MAGI2: variants seen among roughly 807,000 people sequenced by gnomAD.
MAGI2 encodes the protein membrane associated guanylate kinase, WW and PDZ domain containing 2, also known as membrane-associated guanylate kinase, WW and PDZ domain-containing protein 2.
MAGI2 carries 35 observed loss-of-function variants against 133.3 expected under a neutral mutation model. The observed-to-expected ratio is 0.26, with a 90% CI of 0.20 to 0.35. The LOEUF is 0.35. MAGI2 is among the 10% of genes least tolerant of loss of function. MAGI2 has a pLI of 1.00. For synonymous variants in MAGI2, 729 were observed against 710.6 expected (o/e 1.03, Z -0.41); for missense variants, 1,636 against 1,863.4 (o/e 0.88, Z 2.25).
intron 2 of MAGI2, among the ~76,000 whole-genome samples, chr7:78,764,549 TC>T (rs1038465750): frequency 8.5e-5 from 13 of 152,260 alleles, no homozygotes; most frequent in South Asian, 2.1e-4. Flanking sequence ...AATGATTTTT[TC>T]CCCCCATCCC....
rs191203270 is a variant in MAGI2, at chr7:78,513,018, C to T, written c.754+8412G>A. 8.5e-4 allele frequency among the ~76,000 whole-genome samples: 129 copies of T among 152,150 alleles called. 1 individual carries two copies. The Middle Eastern group carries it at 0.024, about 28-fold the overall frequency. On this transcript the variant is annotated intron_variant, in intron 4 of 21. Coordinates refer to ENST00000354212, the MANE Select transcript of MAGI2 (RefSeq NM_012301.4). ...ACAAGTCCCCCAAATTCTTAACAAACTTTGGGGTGAAAGAAACTGATACAA... is the reference window on the plus strand; with the variant it reads ...ACAAGTCCCCCAAATTCTTAACAAATTTTGGGGTGAAAGAAACTGATACAA...
chr7:78,324,034 T>C (rs183627945), intron 9 of MAGI2, among the ~76,000 whole-genome samples: 1 of 152,150 alleles, frequency 6.6e-6, no homozygotes, highest in East Asian at 1.9e-4. Context: ...CAGACAAGGG[T>C]ATATTAGTAA....
At chr7:78,718,739 G>T (rs997494009) in intron 2 of MAGI2, among the ~76,000 whole-genome samples, 3 of 151,910 alleles carry the variant, frequency 2.0e-5, no homozygotes, top group Non-Finnish European at 4.4e-5. Flanking sequence ...AATAAATGTA[G>T]TGTGCTTGAA....
intron 1 of MAGI2, among the ~76,000 whole-genome samples, chr7:79,230,309 T>C (rs1159591291): frequency 6.6e-6 from 1 of 152,010 alleles, no homozygotes; most frequent in East Asian, 1.9e-4. Context: ...ATATACCCAG[T>C]AATGGGATGG....
intron 9 of MAGI2, among the ~76,000 whole-genome samples, chr7:78,258,875 G>T (rs1793256178): frequency 6.6e-6 from 1 of 152,004 alleles, no homozygotes; most frequent in African/African-American, 2.4e-5. Flanking sequence ...CAAATCTGTG[G>T]CTATTGAAAA....
At chr7:78,527,006 C>CAAAAAAAAAAAAAAAA (rs55707442) in intron 3 of MAGI2, among the ~76,000 whole-genome samples, 55 of 45,408 alleles carry the variant, frequency 1.2e-3, no homozygotes, top group Non-Finnish European at 1.4e-3. Context: ...GACTCCATCT[C>CAAAAAAAAAAAAAAAA]AAAAAAAAAA....
chr7:78,999,152 T>C (rs1806605989), intron 2 of MAGI2, among the ~76,000 whole-genome samples: 1 of 151,496 alleles, frequency 6.6e-6, no homozygotes, highest in African/African-American at 2.4e-5. Flanking sequence ...GCCTCCCTCC[T>C]ATGAAAAAAA....
chr7:78,801,899 A>G (rs561128138), intron 2 of MAGI2, among the ~76,000 whole-genome samples: 17 of 152,312 alleles, frequency 1.1e-4, no homozygotes, highest in African/African-American at 4.1e-4. Context: ...TTAAATGTTT[A>G]ATGGTCATCT....
chr7:78,534,987 G>T (rs927731334), intron 3 of MAGI2, among the ~76,000 whole-genome samples: 2 of 152,126 alleles, frequency 1.3e-5, no homozygotes, highest in Non-Finnish European at 2.9e-5. Flanking sequence ...ACAAAAATTA[G>T]CTGGGTGTGG....
intron 2 of MAGI2, among the ~76,000 whole-genome samples, chr7:78,659,307 T>A (rs1812657000): frequency 6.7e-6 from 1 of 148,758 alleles, no homozygotes; most frequent in Middle Eastern, 3.5e-3. Context: ...AAATTTTAGC[T>A]GGGTGTGGTG....
intron 2 of MAGI2, among the ~76,000 whole-genome samples, chr7:78,987,452 T>C (rs1805371964): frequency 6.6e-6 from 1 of 152,012 alleles, no homozygotes; most frequent in African/African-American, 2.4e-5. Context: ...AATTGAAAAA[T>C]AATTATCTTA....
At chr7:79,135,508 G>T (rs1821306953) in intron 1 of MAGI2, among the ~76,000 whole-genome samples, 1 of 152,110 alleles carries the variant, frequency 6.6e-6, no homozygotes, top group Admixed American at 6.5e-5. Context: ...GGCAATTTAT[G>T]GGATAGAGGA....
At chr7:78,768,336 T>G (rs1258726847) in intron 2 of MAGI2, among the ~76,000 whole-genome samples, 1 of 152,240 alleles carries the variant, frequency 6.6e-6, no homozygotes, top group East Asian at 1.9e-4. Flanking sequence ...TATAATTGCA[T>G]CAATTTCCCC....
chr7:79,232,230 T>C (rs1831433852), intron 1 of MAGI2, among the ~76,000 whole-genome samples: 1 of 151,948 alleles, frequency 6.6e-6, no homozygotes, highest in African/African-American at 2.4e-5. Flanking sequence ...TCAATGTTCA[T>C]CAAGGATATT....
chr7:78,404,157 T>G (rs1362889970), intron 6 of MAGI2, among the ~76,000 whole-genome samples: 2 of 152,002 alleles, frequency 1.3e-5, no homozygotes, highest in Non-Finnish European at 2.9e-5. Context: ...CACTCCTCAA[T>G]GAAATAAAAG....
chr7:78,136,268 C>T (rs950652755), intron 16 of MAGI2, among the ~76,000 whole-genome samples: 16 of 152,012 alleles, frequency 1.1e-4, no homozygotes, highest in African/African-American at 2.4e-4. Context: ...TACAGGCGCC[C>T]GCGACCACGC....
intron 16 of MAGI2, among the ~76,000 whole-genome samples, chr7:78,139,620 C>T (rs1203280357): frequency 1.3e-5 from 2 of 152,200 alleles, no homozygotes; most frequent in African/African-American, 4.8e-5. Flanking sequence ...GCCTTGCAGA[C>T]ATCATCTGTC....
intron 6 of MAGI2, among the ~76,000 whole-genome samples, chr7:78,374,293 G>A (rs908767363): frequency 1.3e-5 from 2 of 152,036 alleles, no homozygotes; most frequent in Admixed American, 6.6e-5. Context: ...TGTGGTTTGA[G>A]TTGTGTTTCT....
intron 1 of MAGI2, among the ~76,000 whole-genome samples, chr7:79,283,998 C>T (rs1039578726): frequency 1.3e-5 from 2 of 151,908 alleles, no homozygotes; most frequent in Non-Finnish European, 2.9e-5. Flanking sequence ...CAGTAACATG[C>T]TATATAGGTT....
Sources: allele counts gnomAD v4.1 joint callset (sites outside exome capture counted in the v4.1 genomes callset), GRCh38; gene constraint gnomAD v4.1.1; transcripts MANE v1.5; gene names NCBI Gene and HGNC (gene_info 2026-07-23, HGNC 2026-07-21).